The following ITPR3 variants were observed in gnomAD, a reference collection of about 807,000 sequenced individuals.
The protein encoded by ITPR3 is inositol 1,4,5-trisphosphate receptor type 3.
Under a neutral mutation model 293.2 loss-of-function variants are expected in ITPR3, and 173 were observed. The ratio of observed to expected loss-of-function variants is 0.59; its 90% CI spans 0.52 to 0.67. The LOEUF (loss-of-function observed/expected upper bound fraction) is 0.67, where lower values mean the gene tolerates loss of function less well. ITPR3 is among the 30% of genes least tolerant of loss of function. ITPR3 has a pLI of 0.00. For missense variants in ITPR3, 2,796 were observed against 3,592.1 expected (o/e 0.78, Z 5.66); for synonymous variants, 1,295 against 1,444.4 (o/e 0.90, Z 2.35).
chr6:33,673,660 G>T lies in ITPR3; in HGVS notation c.2998G>T (p.Glu1000Ter). ...LLSVFKKEFV[E>*]VFPMQDSGAD... ...GTCTGTCTTCAAGAAGGAGTTTGTGGAGGTGTTTCCCATGCAGGACAGTGG... is the reference window on the plus strand; with the variant it reads ...GTCTGTCTTCAAGAAGGAGTTTGTGTAGGTGTTTCCCATGCAGGACAGTGG... The change falls in exon 23 of 58, where the codon GAG (glutamate) becomes TAG (stop). Residue 1000 changes from glutamate (E) to a stop codon, truncating the protein, a stop_gained. Coordinates refer to ENST00000605930, the MANE Select transcript of ITPR3 (RefSeq NM_002224.4). LOFTEE classifies it high-confidence loss of function. 6.2e-7 allele frequency: 1 copy of T among 1,614,126 alleles called. No individual in the cohort carries two copies. The highest frequency in any genetic ancestry group is 8.5e-7 in the Non-Finnish European group (1 of 1,180,010).
intron 2 of ITPR3, among the ~76,000 whole-genome samples, chr6:33,641,463 C>T (rs1351924673): frequency 2.6e-5 from 4 of 152,164 alleles, no homozygotes; most frequent in East Asian, 1.9e-4. Context: ...GGCTGGCTGG[C>T]GGCCGGGGTC....
chr6:33,671,182 C>T lies in ITPR3; in HGVS notation c.2604C>T (p.His868=). ...CTTCGCAGGTGGTCAGCCTGGCGCA[C>T]AATCTCATCTACTTCGGCTTCTACA... ...KLTFEVVSLA[H]NLIYFGFYSF... Residue 868 remains histidine (H), a synonymous_variant, in exon 21 of 58, where the codon CAC becomes CAT. Transcript: ENST00000605930. The T allele has an allele frequency of 6.2e-7, 1 of 1,613,820 alleles. No individual in the cohort carries two copies. The highest frequency in any genetic ancestry group is 8.5e-7 in the Non-Finnish European group (1 of 1,179,936).
chr6:33,693,389 A>AAT (rs1765448699), intron 55 of ITPR3, among the ~76,000 whole-genome samples, 156 bp from the exon 56 acceptor site: 1 of 152,200 alleles, frequency 6.6e-6, no homozygotes, highest in Admixed American at 6.5e-5. Context: ...TGCTGCTTTA[A>AAT]ATAGAAGTGA....
At position 33,685,678 on chromosome 6, in the gene ITPR3, T is replaced by C; in HGVS notation, c.5518T>C (p.Ser1840Pro). Residue 1840 changes from serine (S) to proline (P), a missense_variant, in exon 41 of 58, where the codon TCC becomes CCC. Physicochemically the swap from Ser to Pro is moderately conservative, Grantham distance 74 (BLOSUM62 -1). Around this residue, in one of 8 missense-constraint regions of ITPR3, gnomAD observed 704 missense variants for 797.5 expected, o/e 0.88. Coordinates refer to ENST00000605930, the MANE Select transcript of ITPR3 (RefSeq NM_002224.4). ...VASFSIPGSSSRYSLGPSLRR... is the reference protein window; with the variant it reads ...VASFSIPGSSPRYSLGPSLRR... ...CTCCTTCTCGATACCTGGCTCCTCA[T>C]CCCGCTACTCGCTGGGCCCCAGCCT... 6.3e-7 allele frequency: 1 copy of C among 1,596,376 alleles called. No individual in the cohort carries two copies. The highest frequency in any genetic ancestry group is 8.6e-7 in the Non-Finnish European group (1 of 1,169,292).
intron 2 of ITPR3, among the ~76,000 whole-genome samples, chr6:33,651,059 G>A (rs1291930600): frequency 1.3e-5 from 2 of 151,956 alleles, no homozygotes; most frequent in Non-Finnish European, 2.9e-5. Flanking sequence ...GGTGGATCAC[G>A]AGGTCAGGAG....
Position 33,694,919 on chromosome 6 carries a change from T to C in ITPR3, c.7786-5T>C, listed in dbSNP as rs1035727553. The C allele has an allele frequency of 6.2e-7, 1 of 1,614,104 alleles. No homozygotes were observed. The highest frequency in any genetic ancestry group is 8.5e-7 in the Non-Finnish European group (1 of 1,180,024). On this transcript the variant is annotated splice_polypyrimidine_tract_variant and splice_region_variant and intron_variant, in intron 56 of 57. Coordinates refer to ENST00000605930, the MANE Select transcript of ITPR3 (RefSeq NM_002224.4). ...CCTGCTTAACCCACTGGTGATGTTT[T>C]TCAGAACAAGAACCTGGACTGGTTC...
chr6:33,690,139 G>A lies in ITPR3; in HGVS notation c.6973G>A (p.Gly2325Ser). The change falls in exon 51 of 58, where the codon GGC becomes AGC. Residue 2325 changes from glycine to serine, a missense_variant. Gly to Ser is a moderately conservative substitution (Grantham distance 56). Around this residue, in one of 8 missense-constraint regions of ITPR3, gnomAD observed 568 missense variants for 796.1 expected, o/e 0.71. Transcript: ENST00000605930. ...VMDMEFLYHV[G>S]YILTSVLGLF... ...GGACATGGAATTCCTCTACCACGTGGGCTACATCCTGACCAGTGTCCTGGG... is the reference window on the plus strand; with the variant it reads ...GGACATGGAATTCCTCTACCACGTGAGCTACATCCTGACCAGTGTCCTGGG... The A allele has an allele frequency of 6.2e-7, 1 of 1,614,152 alleles. No homozygotes were observed. Among genetic ancestry groups the A allele is most frequent in the Non-Finnish European group, 8.5e-7 (1 of 1,180,038 alleles).
rs1763434038 is a variant in ITPR3 at position 33,621,468 on chromosome 6, C to T, written c.-135C>T. 3.4e-6 allele frequency: 2 copies of T among 580,152 alleles called. No individual in the cohort carries two copies. Among genetic ancestry groups the T allele is most frequent in the South Asian group, 4.6e-5 (2 of 43,560 alleles). 35.9% of individuals were successfully genotyped at this position (580,152 alleles called of 1,614,324 possible). ...GGCTCCCGTGGCCGCCAGCCCGCCC[C>T]GGCCGCACCGAGCGTCGGGATCCGA... On this transcript the variant is annotated 5_prime_UTR_variant, in exon 1 of 58. Coordinates refer to ENST00000605930, the MANE Select transcript of ITPR3 (RefSeq NM_002224.4). This position sits in a 1 kb window ranked among gnomAD's most constrained non-coding sequence, Gnocchi z 7.7.
At chr6:33,653,804 C>T (rs922171418) in intron 2 of ITPR3, among the ~76,000 whole-genome samples, 2 of 152,134 alleles carry the variant, frequency 1.3e-5, no homozygotes, top group Admixed American at 6.5e-5. Context: ...ACTGAATTTC[C>T]GGAACATTCC....
chr6:33,683,998 G>A lies in ITPR3; in HGVS notation c.4789-22G>A, dbSNP rs926384026. 3 of 1,572,630 alleles carry A rather than the reference G, an allele frequency of 1.9e-6. No homozygotes were observed. The highest frequency in any genetic ancestry group is 1.9e-4 in the Middle Eastern group (1 of 5,204). On this transcript the variant is annotated intron_variant, in intron 35 of 57. Coordinates refer to ENST00000605930, the MANE Select transcript of ITPR3 (RefSeq NM_002224.4). This position sits in a 1 kb window ranked among gnomAD's most constrained non-coding sequence, Gnocchi z 4.5. ...CGGGTCATTTCTTGGGCCTGGCAAT[G>A]ACTCTGCCCTGCCCACCCCAGGACA...
rs1457004944 is a variant in ITPR3, at chr6:33,695,741, C to T, written c.7977C>T (p.Arg2659=). ...CGGAGCAGCGGAAACGCAGGCAACG[C>T]CTAGGCTTTGTGGATGTCCAGAACT... is the stretch of plus-strand genomic sequence containing the variant. ...QMTEQRKRRQ[R]LGFVDVQNCI... Residue 2659 remains arginine (R), a synonymous_variant, in exon 58 of 58, where the codon CGC becomes CGT. Coordinates refer to ENST00000605930, the MANE Select transcript of ITPR3 (RefSeq NM_002224.4). 1.2e-6 allele frequency: 2 copies of T among 1,614,196 alleles called. No homozygotes were observed. The highest frequency in any genetic ancestry group is 1.7e-5 in the Admixed American group (1 of 60,036).
Position 33,655,824 on chromosome 6 carries a change from G to A in ITPR3, c.219G>A (p.Lys73=), listed in dbSNP as rs763641665. 1 of 1,614,114 alleles carries A rather than the reference G, an allele frequency of 6.2e-7. No homozygotes were observed. The highest frequency in any genetic ancestry group is 8.5e-7 in the Non-Finnish European group (1 of 1,180,016). The stretch of plus-strand genomic sequence containing the variant: ...ACTCGGCCCAGAAGCAGTACTGGAA[G>A]GCCAAGCAGACTAAGCAGGACAAGG... ...NRYSAQKQYW[K]AKQTKQDKEK... The change falls in exon 3 of 58, where the codon AAG becomes AAA. Residue 73 remains lysine (K), a synonymous_variant. Transcript: ENST00000605930. The surrounding 1 kb of genome is among the most constrained non-coding windows in gnomAD (Gnocchi z 4.9).
At position 33,651,495 on chromosome 6, in the gene ITPR3, T is replaced by C. The variant is rs1764191303; in HGVS notation, c.161-4271T>C. 2.0e-5 allele frequency among the ~76,000 whole-genome samples: 3 copies of C among 152,158 alleles called. No homozygotes were observed. The South Asian group carries it at 6.2e-4, about 32-fold the overall frequency. ...GCTGTTCTACTGTGGGCTCAGCCCTTGTCTGAGACTGTATCCCTATAGGGT... is the reference window on the plus strand; with the variant it reads ...GCTGTTCTACTGTGGGCTCAGCCCTCGTCTGAGACTGTATCCCTATAGGGT... On this transcript the variant is annotated intron_variant, in intron 2 of 57. Coordinates refer to ENST00000605930, the MANE Select transcript of ITPR3 (RefSeq NM_002224.4).
rs1764402058 is a variant in ITPR3, at chr6:33,659,516, G to C, written c.678G>C (p.Gln226His). 6.2e-7 allele frequency: 1 copy of C among 1,614,010 alleles called. No homozygotes were observed. Residue 226 changes from glutamine (Q) to histidine (H), a missense_variant, in exon 7 of 58, where the codon CAG becomes CAC. Physicochemically the swap from Gln to His is conservative, Grantham distance 24. Transcript: ENST00000605930. ...NTSWKINLFM[Q>H]FRDHLEEVLK... is the part of the protein sequence containing the mutation. ...GCTGGAAGATCAACCTGTTTATGCA[G>C]TTTCGGGACCACCTGGAGGAGGTGT...
At chr6:33,690,663 T>C (rs1458921515) in intron 51 of ITPR3, among the ~76,000 whole-genome samples, 1 of 152,214 alleles carries the variant, frequency 6.6e-6, no homozygotes, top group East Asian at 1.9e-4. Flanking sequence ...TTGGCTGGTA[T>C]TCAGCCACCC....
chr6:33,651,170 A>C (rs182121272), intron 2 of ITPR3, among the ~76,000 whole-genome samples: 1 of 151,460 alleles, frequency 6.6e-6, no homozygotes, highest in African/African-American at 2.4e-5. Flanking sequence ...CCAGCTACTC[A>C]GGAGGCTGAG....
chr6:33,668,731 C>T, intron 17 of ITPR3, 97 bp downstream of exon 17: 1 of 1,553,378 alleles, frequency 6.4e-7, no homozygotes, highest in Non-Finnish European at 8.8e-7. Context: ...CTGGAACTGG[C>T]ACCCTTGCTC....
At chr6:33,636,030 G>A (rs543035695) in intron 1 of ITPR3, among the ~76,000 whole-genome samples, 2 of 149,028 alleles carry the variant, frequency 1.3e-5, no homozygotes, top group Non-Finnish European at 3.0e-5. Context: ...CTCACGCCTG[G>A]AATCCCAGCA....
chr6:33,688,944 C>T (rs1409607380), intron 49 of ITPR3, among the ~76,000 whole-genome samples, 163 bp downstream of exon 49: 1 of 152,224 alleles, frequency 6.6e-6, no homozygotes, highest in Non-Finnish European at 1.5e-5. Flanking sequence ...ATCATGGAGA[C>T]ACAGGTGCGG....
Sources: gnomAD v4.1 joint callset for allele counts (sites outside exome capture counted in the v4.1 genomes callset) on GRCh38, gnomAD v4.1.1 for gene constraint, gnomAD v4.1.1 regional missense constraint, Gnocchi (gnomAD v3.1) non-coding constraint, MANE v1.5 for transcripts, NCBI Gene and HGNC (gene_info 2026-07-23, HGNC 2026-07-21) for gene names.